The following SERINC3 variants were observed in gnomAD, a reference collection of about 807,000 sequenced individuals.
The protein encoded by SERINC3 is tumor differentially expressed protein 1.
Under a neutral mutation model 52.1 loss-of-function variants are expected in SERINC3, and 22 were observed. The observed-to-expected ratio is 0.42, with a 90% CI of 0.30 to 0.60. The LOEUF (loss-of-function observed/expected upper bound fraction) is 0.60. SERINC3 is among the 20% of genes least tolerant of loss of function. The probability of loss-of-function intolerance (pLI) is 0.16; values close to 1 mark genes in which losing one functional copy is unlikely to be tolerated. For missense variants in SERINC3, 564 were observed against 584.6 expected, an observed-to-expected ratio of 0.96 and a Z score of 0.36; for synonymous variants, 226 against 212.7, an observed-to-expected ratio of 1.06 and a Z score of -0.54.
At chr20:44,509,796 G>A (rs1418993355) in intron 5 of SERINC3, 95 bp downstream of exon 5, 2 of 1,356,720 alleles carry the variant, frequency 1.5e-6, no homozygotes, top group Non-Finnish European at 1.0e-6. Flanking sequence ...TTCTGTCCCT[G>A]AGGACTATAG....
In SERINC3 at chr20:44,515,703, T is replaced by G. The variant is rs1600818454; in HGVS notation, c.40-1663A>C. Among the ~76,000 whole-genome samples the G allele has an allele frequency of 2.6e-5, 4 of 151,382 alleles. No individual in the cohort carries two copies. In the South Asian group the frequency reaches 8.3e-4, roughly 31 times the overall value. Reference sequence around the variant, plus strand: ...TCTCACTCTGTTGCCCAGGCTGGAGTGCAGTGGCACAATCTCGGCTCACGG... The same window carrying G: ...TCTCACTCTGTTGCCCAGGCTGGAGGGCAGTGGCACAATCTCGGCTCACGG... On this transcript the variant is annotated intron_variant, in intron 1 of 9. Coordinates refer to ENST00000342374, the MANE Select transcript of SERINC3 (RefSeq NM_006811.4).
intron 5 of SERINC3, among the ~76,000 whole-genome samples, chr20:44,508,355 T>C (rs537336262): frequency 8.6e-5 from 13 of 151,444 alleles, no homozygotes; most frequent in Admixed American, 2.6e-4. Flanking sequence ...GGCGTGGTAG[T>C]GTGGGTGTGG....
At chr20:44,519,790 CAA>C (rs1231295312) in intron 1 of SERINC3, among the ~76,000 whole-genome samples, 3 of 125,942 alleles carry the variant, frequency 2.4e-5, no homozygotes, top group Admixed American at 8.0e-5. Flanking sequence ...TGTCCCCCTC[CAA>C]AAAAAAAAAA....
In SERINC3 at chr20:44,512,834, G is replaced by GT; in HGVS notation, c.361dup (p.Thr121AsnfsTer3). On this transcript the variant is annotated frameshift_variant, in exon 3 of 10. Coordinates refer to ENST00000342374, the MANE Select transcript of SERINC3 (RefSeq NM_006811.4). LOFTEE classifies it high-confidence loss of function. ...TACTGCCGCTCGGAGATCTTTACTT[G>GT]TTTTTACTTTGAACATGAGCAGAGA... is the stretch of plus-strand genomic sequence containing the variant. 6.3e-7 allele frequency: 1 copy of GT among 1,576,806 alleles called. No individual in the cohort carries two copies. Among genetic ancestry groups the GT allele is most frequent in the Non-Finnish European group, 8.6e-7 (1 of 1,168,530 alleles).
chr20:44,515,245 T>C (rs2064373008), intron 1 of SERINC3, among the ~76,000 whole-genome samples: 1 of 152,088 alleles, frequency 6.6e-6, no homozygotes, highest in South Asian at 2.1e-4. Context: ...CCCCAACTAC[T>C]CAGGAGGCTG....
rs1036913819 is a variant in SERINC3, at chr20:44,498,170, T to C, written c.*2126A>G. On this transcript the variant is annotated 3_prime_UTR_variant, in exon 10 of 10. Transcript: ENST00000342374. ...CTCCATTCTTCTTCGAACACATGTT[T>C]TTCCTGTTTGCCACCTGAATACGTG... 5.9e-5 allele frequency: 9 copies of C among 152,200 alleles called. No homozygotes were observed. The highest frequency in any genetic ancestry group is 1.3e-4 in the Non-Finnish European group (9 of 68,046). The allele number at this position is 152,200 out of a possible 1,614,324, so 9.4% of individuals were successfully genotyped here. A position where few individuals can be genotyped will look rare whatever the true frequency, so the allele number is the denominator to read the frequency against.
In SERINC3 at chr20:44,498,885, T is replaced by C. The variant is rs2064263408; in HGVS notation, c.*1411A>G. Reference sequence around the variant, plus strand: ...CCCATTCCAGCTTTACTGAACTTTTTTTCCCCATCTTCCTGCCTTTAACAT... The same window carrying C: ...CCCATTCCAGCTTTACTGAACTTTTCTTCCCCATCTTCCTGCCTTTAACAT... On this transcript the variant is annotated 3_prime_UTR_variant, in exon 10 of 10. Transcript: ENST00000342374. 1 of 152,222 alleles carries C rather than the reference T, an allele frequency of 6.6e-6. No homozygotes were observed. Among genetic ancestry groups the C allele is most frequent in the African/African-American group, 2.4e-5 (1 of 41,456 alleles). The allele number at this position is 152,222 out of a possible 1,614,324, so 9.4% of individuals were successfully genotyped here.
In SERINC3 at chr20:44,509,105, AAGT is replaced by A. The variant is rs558302185; in HGVS notation, c.613+783_613+785del. Reference sequence around the variant, plus strand: ...GAAATGTGTGCAAATGTATATTATGAAGTAGTAAGTGCTCTAACATAGCCAAAA... The same window carrying A: ...GAAATGTGTGCAAATGTATATTATGAAGTAAGTGCTCTAACATAGCCAAAA... On this transcript the variant is annotated intron_variant, in intron 5 of 9. Coordinates refer to ENST00000342374, the MANE Select transcript of SERINC3 (RefSeq NM_006811.4). Among the ~76,000 whole-genome samples, 48 of 152,346 alleles carry A rather than the reference AAGT, an allele frequency of 3.2e-4. No individual in the cohort carries two copies. The South Asian group carries it at 9.7e-3, about 31-fold the overall frequency.
chr20:44,497,645 A>G lies in SERINC3; in HGVS notation c.*2651T>C, dbSNP rs1206700730. On this transcript the variant is annotated 3_prime_UTR_variant, in exon 10 of 10. Coordinates refer to ENST00000342374, the MANE Select transcript of SERINC3 (RefSeq NM_006811.4). ...TCACACTGGCAAAATAAGGGGCTAC[A>G]TTTCCCCATCTGACCCTCAAATCCC... 6 of 152,316 alleles carry G rather than the reference A, an allele frequency of 3.9e-5. No homozygotes were observed. Among genetic ancestry groups the G allele is most frequent in the Admixed American group, 1.3e-4 (2 of 15,264 alleles). 9.4% of individuals were successfully genotyped at this position (152,316 alleles called of 1,614,324 possible).
intron 7 of SERINC3, 40 bp from the exon 8 acceptor site, chr20:44,504,035 C>T (rs374935022): frequency 2.0e-5 from 30 of 1,514,862 alleles, no homozygotes; most frequent in East Asian, 4.9e-5. Context: ...GGTTACAGCT[C>T]ATCTTGTTCC....
Position 44,506,951 on chromosome 20 carries a change from C to A in SERINC3, c.659G>T (p.Cys220Phe). Residue 220 changes from cysteine to phenylalanine, a missense_variant, in exon 6 of 10, where the codon TGT (cysteine) becomes TTT (phenylalanine). By Grantham distance (205) the Cys-to-Phe change is radical. Coordinates refer to ENST00000342374, the MANE Select transcript of SERINC3 (RefSeq NM_006811.4). ...TSAFYILSII[C>F]VGLLYTYYTK... ...GTAATATGTATAGAGCAGCCCGACA[C>A]AGATGATTGACAGGATATAAAAGGC... is the stretch of plus-strand genomic sequence containing the variant. The A allele has an allele frequency of 6.2e-7, 1 of 1,609,224 alleles. No individual in the cohort carries two copies. Among genetic ancestry groups the A allele is most frequent in the Non-Finnish European group, 8.5e-7 (1 of 1,178,396 alleles).
In SERINC3 at chr20:44,513,862, G is replaced by T. The variant is rs1304973212; in HGVS notation, c.201+17C>A. 1.3e-6 allele frequency: 2 copies of T among 1,566,042 alleles called. No homozygotes were observed. The highest frequency in any genetic ancestry group is 1.2e-5 in the South Asian group (1 of 85,070). Reference sequence around the variant, plus strand: ...AATAAAAATAACCAATACCTTAAGGGCACTGTTACTTCTTACCTTCTTCAA... The same window carrying T: ...AATAAAAATAACCAATACCTTAAGGTCACTGTTACTTCTTACCTTCTTCAA... On this transcript the variant is annotated intron_variant, in intron 2 of 9. Transcript: ENST00000342374.
chr20:44,503,667 C>T (rs1281094431), intron 8 of SERINC3, 148 bp downstream of exon 8: 9 of 609,068 alleles, frequency 1.5e-5, no homozygotes, highest in Non-Finnish European at 2.2e-5. Context: ...TATATGTACA[C>T]AGCTCTGTAA....
rs1349796955 is a variant in SERINC3 at position 44,509,968 on chromosome 20, A to C, written c.536T>G (p.Leu179Arg). 7 of 1,614,042 alleles carry C rather than the reference A, an allele frequency of 4.3e-6. No individual in the cohort carries two copies. In the Middle Eastern group the frequency reaches 6.6e-4, roughly 152 times the overall value. ...ALFILIQLVL[L>R]VDFAHSWNES... is the part of the protein sequence containing the mutation. ...ATTCCAAGAATGAGCAAAATCTACC[A>C]GCAGCACCAGCTGAATGAGGATGAA... Residue 179 changes from leucine (L) to arginine (R), a missense_variant, in exon 5 of 10, where the codon CTG becomes CGG. By Grantham distance (102) the Leu-to-Arg change is moderately radical. Coordinates refer to ENST00000342374, the MANE Select transcript of SERINC3 (RefSeq NM_006811.4).
At chr20:44,518,107 T>C (rs1292926618) in intron 1 of SERINC3, among the ~76,000 whole-genome samples, 1 of 152,076 alleles carries the variant, frequency 6.6e-6, no homozygotes, top group African/African-American at 2.4e-5. Context: ...GCCACAACTA[T>C]CATCTCTCAT....
intron 3 of SERINC3, among the ~76,000 whole-genome samples, chr20:44,511,578 T>C (rs962399034): frequency 9.2e-5 from 14 of 152,214 alleles, no homozygotes; most frequent in Non-Finnish European, 4.4e-5. Context: ...AGAAGATAAA[T>C]CACTCACATT....
intron 1 of SERINC3, among the ~76,000 whole-genome samples, chr20:44,520,031 G>C (rs1600821665): frequency 6.6e-6 from 1 of 152,258 alleles, no homozygotes; most frequent in East Asian, 1.9e-4. Context: ...GACCCTCCAA[G>C]GAGGGGCTGA....
chr20:44,518,630 C>T (rs1007927735), intron 1 of SERINC3, among the ~76,000 whole-genome samples: 1 of 152,120 alleles, frequency 6.6e-6, no homozygotes, highest in Non-Finnish European at 1.5e-5. Context: ...ATTTGTTCTT[C>T]TCATAGAAGC....
rs1453442015 is a variant in SERINC3 at position 44,498,691 on chromosome 20, C to T, written c.*1605G>A. The T allele has an allele frequency of 6.6e-6, 1 of 152,226 alleles. No individual in the cohort carries two copies. Among genetic ancestry groups the T allele is most frequent in the Non-Finnish European group, 1.5e-5 (1 of 68,042 alleles). 9.4% of individuals were successfully genotyped at this position (152,226 alleles called of 1,614,324 possible). The stretch of plus-strand genomic sequence containing the variant: ...TCTATTTCACATCTCATATGGACTG[C>T]ACCTGGTCTCATCTCTCTAAATCCA... On this transcript the variant is annotated 3_prime_UTR_variant, in exon 10 of 10. Coordinates refer to ENST00000342374, the MANE Select transcript of SERINC3 (RefSeq NM_006811.4).
Sources: allele counts gnomAD v4.1 joint callset (sites outside exome capture counted in the v4.1 genomes callset), GRCh38; gene constraint gnomAD v4.1.1; transcripts MANE v1.5; gene names NCBI Gene and HGNC (gene_info 2026-07-23, HGNC 2026-07-21).